The following NCKAP5 variants were observed in gnomAD, a reference collection of about 807,000 sequenced individuals.
The protein encoded by NCKAP5 is NCK associated protein 5.
A neutral mutation model predicts 167.0 loss-of-function variants in NCKAP5; 92 were observed. The observed-to-expected ratio is 0.55, with a 90% CI of 0.47 to 0.66. The LOEUF (loss-of-function observed/expected upper bound fraction) is 0.66, where lower values mean the gene tolerates loss of function less well. Among genes scored for constraint, NCKAP5 ranks in the 30% least tolerant of loss-of-function variants. The pLI, the probability that NCKAP5 is intolerant of heterozygous loss-of-function variation, is 0.00. For missense variants in NCKAP5, 2,378 were observed against 2,315.0 expected (o/e 1.03, Z -0.56); for synonymous variants, 891 against 877.4 (o/e 1.02, Z -0.27).
chr2:133,057,961 G>A (rs1377052963), intron 6 of NCKAP5, among the ~76,000 whole-genome samples: 1 of 152,202 alleles, frequency 6.6e-6, no homozygotes, highest in Non-Finnish European at 1.5e-5. Flanking sequence ...GTTAAAGCCA[G>A]TGCTCATTTA....
chr2:133,262,470 G>A (rs762740482), intron 4 of NCKAP5, among the ~76,000 whole-genome samples: 3 of 152,196 alleles, frequency 2.0e-5, no homozygotes, highest in South Asian at 2.1e-4. Flanking sequence ...TCTAGGTACC[G>A]ACATGCTTCT....
chr2:132,996,669 T>C (rs62178921), intron 6 of NCKAP5, among the ~76,000 whole-genome samples: 1 of 152,228 alleles, frequency 6.6e-6, no homozygotes, highest in Non-Finnish European at 1.5e-5. Context: ...ATGACAACAT[T>C]TGGTATAGGA....
At chr2:133,574,580 C>T in the NCKAP5 span, among the ~76,000 whole-genome samples, 1 of 148,196 alleles carries the variant, frequency 6.7e-6, no homozygotes, top group East Asian at 2.0e-4. Context: ...CTGGAGTGGG[C>T]TGGAGTTGCA....
intron 5 of NCKAP5, among the ~76,000 whole-genome samples, chr2:133,138,223 G>A (rs1196544400): frequency 2.0e-5 from 3 of 152,236 alleles, no homozygotes; most frequent in Non-Finnish European, 4.4e-5. Context: ...TCGATTATTC[G>A]AAGAGAAACC....
chr2:133,090,272 A>G (rs972856902), intron 6 of NCKAP5, among the ~76,000 whole-genome samples: 1 of 152,058 alleles, frequency 6.6e-6, no homozygotes, highest in Non-Finnish European at 1.5e-5. Flanking sequence ...AATTAGGTAA[A>G]GGATCCTGAG....
chr2:133,293,774 C>T (rs1003579380), intron 4 of NCKAP5, among the ~76,000 whole-genome samples: 6 of 152,138 alleles, frequency 3.9e-5, no homozygotes, highest in Non-Finnish European at 8.8e-5. Flanking sequence ...AGCTGAGAGG[C>T]CAGACTCTTA....
intron 11 of NCKAP5, among the ~76,000 whole-genome samples, chr2:132,839,285 T>C (rs892547880): frequency 6.6e-6 from 1 of 152,238 alleles, no homozygotes; most frequent in Admixed American, 6.5e-5. Context: ...TATTTTGTAA[T>C]ATCTACTATT....
chr2:133,416,222 C>T (rs887375970), intron 3 of NCKAP5, among the ~76,000 whole-genome samples: 2 of 152,164 alleles, frequency 1.3e-5, no homozygotes, highest in African/African-American at 4.8e-5. Flanking sequence ...AGATGAAGAC[C>T]TTTCCTTCAG....
intron 3 of NCKAP5, among the ~76,000 whole-genome samples, chr2:133,387,745 T>C (rs1687094479): frequency 6.6e-6 from 1 of 152,206 alleles, no homozygotes; most frequent in Non-Finnish European, 1.5e-5. Flanking sequence ...TTCATTTCTT[T>C]TTATTCTTTT....
chr2:132,698,608 G>A (rs931089235), intron 19 of NCKAP5, among the ~76,000 whole-genome samples: 3 of 152,126 alleles, frequency 2.0e-5, no homozygotes, highest in African/African-American at 2.4e-5. Flanking sequence ...GCCGAGGAGG[G>A]CAGATCACAA....
chr2:133,594,357 G>A, the NCKAP5 span, among the ~76,000 whole-genome samples: 1 of 151,960 alleles, frequency 6.6e-6, no homozygotes, highest in Non-Finnish European at 1.5e-5. Flanking sequence ...CCCTGGGGTC[G>A]GCTCCTATCA....
chr2:133,570,276 C>CT (rs1234024415), upstream of NCKAP5, among the ~76,000 whole-genome samples: 1 of 152,000 alleles, frequency 6.6e-6, no homozygotes, highest in Non-Finnish European at 1.5e-5. Context: ...TGTGGTTTGA[C>CT]TTTTTTTCAA....
At chr2:133,197,087 C>A (rs779649571) in intron 5 of NCKAP5, among the ~76,000 whole-genome samples, 5 of 152,116 alleles carry the variant, frequency 3.3e-5, no homozygotes, top group African/African-American at 1.2e-4. Context: ...AACTAATGTT[C>A]CAGCTTTCTA....
At chr2:133,023,609 C>T (rs537461411) in intron 6 of NCKAP5, among the ~76,000 whole-genome samples, 4 of 152,174 alleles carry the variant, frequency 2.6e-5, no homozygotes, top group Non-Finnish European at 4.4e-5. Context: ...CTCCCTTCCA[C>T]GTCTAGTAGT....
chr2:132,783,834 T>A lies in NCKAP5; in HGVS notation c.2977A>T (p.Arg993Trp), dbSNP rs757988904. Reference sequence around the variant, plus strand: ...TTGAAGGCCACAGAAGGTTTCTTCCTCTGCACTTCTGTCGTGGCCGGATTA... The same window carrying A: ...TTGAAGGCCACAGAAGGTTTCTTCCACTGCACTTCTGTCGTGGCCGGATTA... ...SSNPATTEVQ[R>W]KKPSVAFKKP... Residue 993 changes from arginine to tryptophan, a missense_variant, in exon 14 of 20, where the codon AGG becomes TGG. This residue lies in a region of NCKAP5 where 1,325 missense variants were observed against 1,274.5 expected (regional missense o/e 1.04). Coordinates refer to ENST00000409261, the MANE Select transcript of NCKAP5 (RefSeq NM_207363.3). 8 of 1,532,068 alleles carry A rather than the reference T, an allele frequency of 5.2e-6. No individual in the cohort carries two copies. The highest frequency in any genetic ancestry group is 6.1e-6 in the Non-Finnish European group (7 of 1,141,448). 94.9% of individuals were successfully genotyped at this position (1,532,068 alleles called of 1,614,324 possible).
At chr2:133,514,707 G>A (rs996097988) in intron 3 of NCKAP5, among the ~76,000 whole-genome samples, 2 of 152,072 alleles carry the variant, frequency 1.3e-5, no homozygotes, top group African/African-American at 2.4e-5. Context: ...ACTTAAGAAC[G>A]TAATATGTTT....
intron 19 of NCKAP5, among the ~76,000 whole-genome samples, chr2:132,702,519 T>G (rs1687984147): frequency 6.6e-6 from 1 of 152,098 alleles, no homozygotes; most frequent in Non-Finnish European, 1.5e-5. Flanking sequence ...TTCCCAACAT[T>G]GAGGGACTTA....
chr2:132,728,031 G>C (rs1690633449), intron 18 of NCKAP5, among the ~76,000 whole-genome samples: 1 of 152,186 alleles, frequency 6.6e-6, no homozygotes, highest in Admixed American at 6.5e-5. Context: ...AGCAAAAGTG[G>C]GAAGGGCCAA....
chr2:133,032,752 GT>G (rs1449744592), intron 6 of NCKAP5, among the ~76,000 whole-genome samples: 2 of 152,174 alleles, frequency 1.3e-5, no homozygotes, highest in African/African-American at 2.4e-5. Context: ...AAGAAAGGAG[GT>G]TTAATTGACT....
Sources: gnomAD v4.1 joint callset for allele counts (sites outside exome capture counted in the v4.1 genomes callset) on GRCh38, gnomAD v4.1.1 for gene constraint, gnomAD v4.1.1 regional missense constraint, MANE v1.5 for transcripts, NCBI Gene and HGNC (gene_info 2026-07-23, HGNC 2026-07-21) for gene names.